The following PRKCA variants were observed in gnomAD, a reference collection of about 807,000 sequenced individuals.
PRKCA encodes the protein protein kinase C alpha type.
A neutral mutation model predicts 87.0 loss-of-function variants in PRKCA; 27 were observed. The ratio of observed to expected loss-of-function variants is 0.31; its 90% CI spans 0.23 to 0.43. PRKCA has a LOEUF of 0.43. PRKCA is among the 20% of genes least tolerant of loss of function. The pLI, the probability that PRKCA is intolerant of heterozygous loss-of-function variation, is 1.00. For missense variants in PRKCA, 518 were observed against 852.3 expected, an observed-to-expected ratio of 0.61 and a Z score of 4.88; for synonymous variants, 329 against 311.1, an observed-to-expected ratio of 1.06 and a Z score of -0.61.
chr17:66,342,441 AAATAATAATAATAAT>A (rs199510095), intron 2 of PRKCA, among the ~76,000 whole-genome samples: 4,332 of 142,944 alleles, frequency 0.03, 69 homozygotes, highest in Middle Eastern at 0.044. Flanking sequence ...AAAATAAAAT[AAATAATAATAATAAT>A]AATAATAATA....
intron 2 of PRKCA, among the ~76,000 whole-genome samples, chr17:66,419,317 G>C (rs1164612606): frequency 1.3e-5 from 2 of 151,822 alleles, no homozygotes; most frequent in Non-Finnish European, 2.9e-5. Context: ...CAAAAGAATG[G>C]GTTTGAAAAA....
In PRKCA at chr17:66,675,380, A is replaced by G. The variant is rs138383478; in HGVS notation, c.530-11731A>G. Reference sequence around the variant, plus strand: ...TTGGGGGTTAGGATTTCAAACACAAATTGGGGGCAGGAGGCACAAACATTC... The same window carrying G: ...TTGGGGGTTAGGATTTCAAACACAAGTTGGGGGCAGGAGGCACAAACATTC... On this transcript the variant is annotated intron_variant, in intron 5 of 16. Coordinates refer to ENST00000413366, the MANE Select transcript of PRKCA (RefSeq NM_002737.3). Among the ~76,000 whole-genome samples, 735 of 152,120 alleles carry G rather than the reference A, an allele frequency of 4.8e-3. 7 individuals are homozygous for G. The highest frequency in any genetic ancestry group is 0.017 in the African/African-American group (705 of 41,512).
chr17:66,799,499 G>A (rs139660858), intron 16 of PRKCA, among the ~76,000 whole-genome samples: 19 of 3,772 alleles, frequency 5.0e-3, no homozygotes, highest in Non-Finnish European at 7.4e-3. Flanking sequence ...GGTGGTGGTG[G>A]TGGTGGTGGT....
At chr17:66,552,361 G>T (rs1251914429) in intron 3 of PRKCA, among the ~76,000 whole-genome samples, 2 of 152,174 alleles carry the variant, frequency 1.3e-5, no homozygotes, top group Non-Finnish European at 2.9e-5. Flanking sequence ...AAAATGTCGT[G>T]GCTTAAAGCA....
At chr17:66,327,142 G>A (rs1300835449) in intron 2 of PRKCA, among the ~76,000 whole-genome samples, 3 of 151,822 alleles carry the variant, frequency 2.0e-5, no homozygotes. Context: ...AGGCAGAGGC[G>A]GGCAGATCAT....
intron 9 of PRKCA, among the ~76,000 whole-genome samples, chr17:66,735,133 A>G (rs907608067): frequency 1.3e-5 from 2 of 152,172 alleles, no homozygotes; most frequent in Non-Finnish European, 2.9e-5. Flanking sequence ...GAGAGATTAT[A>G]AATGTCAGTC....
intron 13 of PRKCA, among the ~76,000 whole-genome samples, chr17:66,769,287 T>C (rs1314326772): frequency 6.6e-6 from 1 of 151,678 alleles, no homozygotes; most frequent in Non-Finnish European, 1.5e-5. Context: ...AGCCCAGGAG[T>C]TGAGGCTGCA....
At chr17:66,644,849 G>A (rs183650627) in intron 4 of PRKCA, among the ~76,000 whole-genome samples, 2 of 152,192 alleles carry the variant, frequency 1.3e-5, no homozygotes, top group South Asian at 4.2e-4. Flanking sequence ...TTCAAGCTGG[G>A]TGCAGTGGTT....
chr17:66,464,515 C>T (rs1028697462), intron 2 of PRKCA, among the ~76,000 whole-genome samples: 15 of 152,160 alleles, frequency 9.9e-5, no homozygotes, highest in Non-Finnish European at 1.3e-4. Flanking sequence ...CTCATTGGTC[C>T]ACATCCTTGT....
At chr17:66,713,926 G>A (rs1330182265) in intron 8 of PRKCA, among the ~76,000 whole-genome samples, 1 of 152,142 alleles carries the variant, frequency 6.6e-6, no homozygotes, top group Non-Finnish European at 1.5e-5. Context: ...GGGCAGGCAG[G>A]ACACAGCCAT....
intron 14 of PRKCA, chr17:66,775,325 C>A: frequency 3.0e-6 from 3 of 985,346 alleles, no homozygotes; most frequent in Non-Finnish European, 3.6e-6. Context: ...CTCCTCCTTT[C>A]AGCCGAGCAC....
intron 2 of PRKCA, among the ~76,000 whole-genome samples, chr17:66,479,942 A>G (rs552402065): frequency 1.8e-4 from 28 of 152,172 alleles, no homozygotes; most frequent in Non-Finnish European, 3.5e-4. Context: ...CAATCTGTAC[A>G]GCAAACCCCC....
At chr17:66,396,256 A>G (rs1235786924) in intron 2 of PRKCA, among the ~76,000 whole-genome samples, 1 of 152,136 alleles carries the variant, frequency 6.6e-6, no homozygotes, top group Non-Finnish European at 1.5e-5. Flanking sequence ...TTATGAAGGA[A>G]GTTTTGGAAA....
At chr17:66,444,571 T>C (rs1051053389) in intron 2 of PRKCA, among the ~76,000 whole-genome samples, 2 of 152,146 alleles carry the variant, frequency 1.3e-5, no homozygotes, top group East Asian at 1.9e-4. Context: ...ACATCCCTTT[T>C]CCTGGAGTGT....
intron 2 of PRKCA, among the ~76,000 whole-genome samples, chr17:66,451,499 A>T (rs1031820390): frequency 6.6e-6 from 1 of 152,168 alleles, no homozygotes; most frequent in Admixed American, 6.5e-5. Flanking sequence ...TCACAGAATG[A>T]TATGAGCATC....
chr17:66,453,866 G>A (rs1914454084), intron 2 of PRKCA, among the ~76,000 whole-genome samples: 1 of 152,102 alleles, frequency 6.6e-6, no homozygotes, highest in Admixed American at 6.6e-5. Context: ...GAATACTTTG[G>A]GTTTTTTCAG....
chr17:66,804,952 TC>T lies in PRKCA; in HGVS notation c.*917del. 1.0e-6 allele frequency: 1 copy of T among 978,408 alleles called. No individual in the cohort carries two copies. The highest frequency in any genetic ancestry group is 1.2e-6 in the Non-Finnish European group (1 of 823,242). The allele number at this position is 978,408 out of a possible 1,614,324, so 60.6% of individuals were successfully genotyped here. On this transcript the variant is annotated 3_prime_UTR_variant, in exon 17 of 17. Transcript: ENST00000413366. ...CAACATTTTGCTGCCTACCTTGTTATCCTTCTCAAGAAGCTGAAGTGTACGC... is the reference window on the plus strand; with the variant it reads ...CAACATTTTGCTGCCTACCTTGTTATCTTCTCAAGAAGCTGAAGTGTACGC...
intron 8 of PRKCA, among the ~76,000 whole-genome samples, chr17:66,710,884 A>G (rs990457069): frequency 3.0e-4 from 45 of 151,784 alleles, no homozygotes; most frequent in Non-Finnish European, 1.5e-4. Flanking sequence ...CAAAAAAAAA[A>G]ATACAAAAAT....
intron 14 of PRKCA, among the ~76,000 whole-genome samples, chr17:66,786,033 T>C (rs1334044250): frequency 6.6e-6 from 1 of 152,176 alleles, no homozygotes; most frequent in Non-Finnish European, 1.5e-5. Context: ...TTTCACCATG[T>C]TAGCCAGGAT....
Sources: gnomAD v4.1 joint callset for allele counts (sites outside exome capture counted in the v4.1 genomes callset) on GRCh38, gnomAD v4.1.1 for gene constraint, MANE v1.5 for transcripts, NCBI Gene and HGNC (gene_info 2026-07-23, HGNC 2026-07-21) for gene names.